Variants in INPP4B observed in about 807,000 individuals in gnomAD.
INPP4B encodes the protein inositol polyphosphate-4-phosphatase type II B.
A neutral mutation model predicts 122.5 loss-of-function variants in INPP4B; 55 were observed. That is an observed-to-expected ratio of 0.45 (90% CI 0.36 to 0.56). The LOEUF is 0.56. Among genes scored for constraint, INPP4B ranks in the 20% least tolerant of loss-of-function variants. The pLI, the probability that INPP4B is intolerant of heterozygous loss-of-function variation, is 0.00. For synonymous variants in INPP4B, 403 were observed against 388.7 expected (o/e 1.04, Z -0.43); for missense variants, 1,000 against 1,097.7 (o/e 0.91, Z 1.26).
chr4:142,479,231 T>G (rs1560704731), intron 2 of INPP4B, among the ~76,000 whole-genome samples: 1 of 152,092 alleles, frequency 6.6e-6, no homozygotes. Context: ...ACATCATTAA[T>G]TGTTAGAAAA....
intron 7 of INPP4B, chr4:142,383,998 G>T (rs1795090240): frequency 1.5e-6 from 1 of 686,264 alleles, no homozygotes; most frequent in Non-Finnish European, 2.7e-6. Flanking sequence ...GTGATGTCTT[G>T]CACTTGGCCA....
intron 2 of INPP4B, among the ~76,000 whole-genome samples, chr4:142,544,925 T>C (rs1172874300): frequency 4.6e-5 from 7 of 152,142 alleles, no homozygotes; most frequent in African/African-American, 1.7e-4. Flanking sequence ...GGAAAAAATT[T>C]CTCTTACGAA....
At position 142,222,532 on chromosome 4, in the gene INPP4B, T is replaced by C. The variant is rs1396006312; in HGVS notation, c.837-13506A>G. 2.6e-5 allele frequency among the ~76,000 whole-genome samples: 4 copies of C among 152,260 alleles called. No individual in the cohort carries two copies. The East Asian group carries it at 7.7e-4, about 29-fold the overall frequency. On this transcript the variant is annotated intron_variant, in intron 12 of 25. Transcript: ENST00000262992. The stretch of plus-strand genomic sequence containing the variant: ...TAAATGTAATCATGTTGCCCTGTGC[T>C]AACAATTTCAATTGTTCTTAAGGAA...
At chr4:142,125,037 T>C (rs1192926135) in intron 18 of INPP4B, among the ~76,000 whole-genome samples, 3 of 152,158 alleles carry the variant, frequency 2.0e-5, no homozygotes, top group Non-Finnish European at 4.4e-5. Flanking sequence ...GCACTACCTG[T>C]ATCTTAGTGA....
intron 7 of INPP4B, among the ~76,000 whole-genome samples, chr4:142,389,668 A>G (rs1311946652): frequency 2.0e-5 from 3 of 152,196 alleles, no homozygotes; most frequent in Non-Finnish European, 2.9e-5. Flanking sequence ...ATCCCAAACT[A>G]TACTGGAAAG....
intron 2 of INPP4B, among the ~76,000 whole-genome samples, chr4:142,616,892 T>C (rs1185283515): frequency 6.6e-6 from 1 of 152,030 alleles, no homozygotes; most frequent in East Asian, 1.9e-4. Flanking sequence ...AGAGCAGGTA[T>C]ATATGAGCAG....
intron 2 of INPP4B, among the ~76,000 whole-genome samples, chr4:142,627,428 T>C (rs1322118434): frequency 2.1e-5 from 3 of 145,124 alleles, no homozygotes; most frequent in Non-Finnish European, 4.5e-5. Flanking sequence ...ATACGTCCCA[T>C]CAATACCTAA....
rs181182666 is a variant in INPP4B at position 142,301,349 on chromosome 4, A to C, written c.503+4109T>G. On this transcript the variant is annotated intron_variant, in intron 9 of 25. Coordinates refer to ENST00000262992, the MANE Select transcript of INPP4B (RefSeq NM_001101669.3). ...ATAAAACATTAGTAAAAATTAATTGAGACTCCTAAAACCCATTAAACAAAA... is the reference window on the plus strand; with the variant it reads ...ATAAAACATTAGTAAAAATTAATTGCGACTCCTAAAACCCATTAAACAAAA... 1.6e-3 allele frequency among the ~76,000 whole-genome samples: 244 copies of C among 152,286 alleles called. 1 individual carries two copies. The highest frequency in any genetic ancestry group is 0.01 in the Middle Eastern group (3 of 294).
chr4:142,118,408 A>G (rs1300674978), intron 21 of INPP4B, among the ~76,000 whole-genome samples: 1 of 152,210 alleles, frequency 6.6e-6, no homozygotes, highest in Non-Finnish European at 1.5e-5. Context: ...ACAAGGCTAC[A>G]GTAACCAAAA....
At chr4:142,478,365 C>G (rs1480810082) in intron 2 of INPP4B, among the ~76,000 whole-genome samples, 1 of 151,860 alleles carries the variant, frequency 6.6e-6, no homozygotes, top group Non-Finnish European at 1.5e-5. Flanking sequence ...AGGGGGAATT[C>G]TCCTTTTGCC....
At chr4:142,148,485 A>T (rs1268847604) in intron 17 of INPP4B, among the ~76,000 whole-genome samples, 1 of 152,182 alleles carries the variant, frequency 6.6e-6, no homozygotes, top group African/African-American at 2.4e-5. Flanking sequence ...AAGTGCTGGG[A>T]TTACAGGTGG....
chr4:142,142,077 G>C (rs1368811318), intron 18 of INPP4B, among the ~76,000 whole-genome samples: 3 of 151,928 alleles, frequency 2.0e-5, no homozygotes, highest in Admixed American at 2.0e-4. Context: ...TGCAACAAAT[G>C]CTTATCAGTA....
At chr4:142,312,942 G>C (rs1428502976) in intron 8 of INPP4B, among the ~76,000 whole-genome samples, 1 of 152,090 alleles carries the variant, frequency 6.6e-6, no homozygotes, top group Admixed American at 6.5e-5. Context: ...CCAGGGGCAA[G>C]CCCAGAATAA....
At position 142,565,857 on chromosome 4, in the gene INPP4B, T is replaced by C. The variant is rs531611370; in HGVS notation, c.-190-103131A>G. 9.2e-5 allele frequency among the ~76,000 whole-genome samples: 14 copies of C among 152,294 alleles called. No individual in the cohort carries two copies. In the South Asian group the frequency reaches 2.9e-3, roughly 32 times the overall value. ...CATGTTGATAAGGTCACAACCTCAC[T>C]TTCTGGTATCCTTGCCAAAAATGCA... On this transcript the variant is annotated intron_variant, in intron 2 of 25. Coordinates refer to ENST00000262992, the MANE Select transcript of INPP4B (RefSeq NM_001101669.3).
intron 1 of INPP4B, among the ~76,000 whole-genome samples, chr4:142,812,851 T>C (rs998385810): frequency 6.6e-6 from 1 of 152,152 alleles, no homozygotes; most frequent in Non-Finnish European, 1.5e-5. Context: ...TGACAATCCT[T>C]TATAATTATT....
chr4:142,448,349 A>C (rs1580089688), intron 3 of INPP4B, among the ~76,000 whole-genome samples: 2 of 151,730 alleles, frequency 1.3e-5, no homozygotes, highest in Admixed American at 6.6e-5. Context: ...AAAAAAAAAA[A>C]AAAACACCGA....
rs1332259428 is a variant in INPP4B, at chr4:142,815,547, C to G, written c.-254+30662G>C. ...GGTTTCCGTCTAAAAAAACAATTAC[C>G]TTCATGCTATTCATTCTTTTAAACG... On this transcript the variant is annotated intron_variant, in intron 1 of 25. Coordinates refer to ENST00000262992, the MANE Select transcript of INPP4B (RefSeq NM_001101669.3). Among the ~76,000 whole-genome samples, 4 of 151,992 alleles carry G rather than the reference C, an allele frequency of 2.6e-5. No homozygotes were observed. The East Asian group carries it at 7.7e-4, about 29-fold the overall frequency.
intron 8 of INPP4B, among the ~76,000 whole-genome samples, chr4:142,311,478 G>A (rs1258977368): frequency 6.6e-6 from 1 of 152,008 alleles, no homozygotes. Context: ...AAAATGGTTG[G>A]CAAAATAAAA....
intron 18 of INPP4B, among the ~76,000 whole-genome samples, chr4:142,140,980 G>A (rs1807482077): frequency 6.6e-6 from 1 of 152,172 alleles, no homozygotes; most frequent in Non-Finnish European, 1.5e-5. Flanking sequence ...TCTGCAGACT[G>A]CTGAGACAAA....
Sources: allele counts gnomAD v4.1 joint callset (sites outside exome capture counted in the v4.1 genomes callset), GRCh38; gene constraint gnomAD v4.1.1; transcripts MANE v1.5; gene names NCBI Gene and HGNC (gene_info 2026-07-23, HGNC 2026-07-21).